Variants in THRAP3 observed in about 807,000 individuals in gnomAD.
The protein encoded by THRAP3 is thyroid hormone receptor-associated protein 3.
In THRAP3, 16 loss-of-function variants were observed where a neutral mutation model predicts 101.0. The observed-to-expected ratio is 0.16, with a 90% CI of 0.11 to 0.24. THRAP3 has a LOEUF of 0.24. Ranked by LOEUF, THRAP3 falls within the 10% of genes least tolerant of loss-of-function variation. The probability of loss-of-function intolerance (pLI) is 1.00; values close to 1 mark genes in which losing one functional copy is unlikely to be tolerated. For synonymous variants in THRAP3, 407 were observed against 422.6 expected (o/e 0.96, Z 0.45); for missense variants, 989 against 1,202.7 (o/e 0.82, Z 2.63).
rs1644987729 is a variant in THRAP3 at position 36,228,441 on chromosome 1, C to CT, written c.-135+3936_-135+3937insT. On this transcript the variant is annotated intron_variant, in intron 1 of 11. Coordinates refer to ENST00000354618, the MANE Select transcript of THRAP3 (RefSeq NM_005119.4). ...TTCACCATGCTGGCCAGGCTGGTCT[C>CT]AAACTCCTGACCTCAATTGATCCGA... 5.9e-5 allele frequency among the ~76,000 whole-genome samples: 9 copies of CT among 152,344 alleles called. No individual in the cohort carries two copies. The South Asian group carries it at 1.9e-3, about 32-fold the overall frequency.
chr1:36,298,611 A>G (rs1292283341), intron 9 of THRAP3, among the ~76,000 whole-genome samples: 3 of 151,618 alleles, frequency 2.0e-5, no homozygotes, highest in Admixed American at 6.6e-5. Context: ...CTCCTGCTTC[A>G]GCCTTCCAAC....
rs540067422 is a variant in THRAP3 at position 36,255,861 on chromosome 1, G to C, written c.-134-3521G>C. Among the ~76,000 whole-genome samples the C allele has an allele frequency of 2.6e-5, 4 of 152,138 alleles. No individual in the cohort carries two copies. In the South Asian group the frequency reaches 8.3e-4, roughly 32 times the overall value. Reference sequence around the variant, plus strand: ...AAATTCAGTCTTGTGTACCATAGGAGATACAAATGGTATGGTCCTAGAATG... The same window carrying C: ...AAATTCAGTCTTGTGTACCATAGGACATACAAATGGTATGGTCCTAGAATG... On this transcript the variant is annotated intron_variant, in intron 1 of 11. Coordinates refer to ENST00000354618, the MANE Select transcript of THRAP3 (RefSeq NM_005119.4).
At position 36,226,270 on chromosome 1, in the gene THRAP3, T is replaced by C. The variant is rs77227167; in HGVS notation, c.-135+1765T>C. On this transcript the variant is annotated intron_variant, in intron 1 of 11. Coordinates refer to ENST00000354618, the MANE Select transcript of THRAP3 (RefSeq NM_005119.4). The stretch of plus-strand genomic sequence containing the variant: ...CAGACATACGATTTATTATTATTAT[T>C]ATTTTTTGAGACAAAGTCTCGCGCT... Among the ~76,000 whole-genome samples the C allele has an allele frequency of 7.9e-5, 12 of 152,282 alleles. No homozygotes were observed. In the East Asian group the frequency reaches 2.3e-3, roughly 29 times the overall value.
intron 9 of THRAP3, 52 bp from the exon 10 acceptor site, chr1:36,300,834 G>A: frequency 6.3e-7 from 1 of 1,587,300 alleles, no homozygotes; most frequent in Non-Finnish European, 8.6e-7. Flanking sequence ...CCCCAGCCAA[G>A]CAGTGTCCCT....
At chr1:36,258,614 T>C (rs1021967050) in intron 1 of THRAP3, among the ~76,000 whole-genome samples, 1 of 152,190 alleles carries the variant, frequency 6.6e-6, no homozygotes, top group African/African-American at 2.4e-5. Flanking sequence ...TAGCTGAGAC[T>C]ACAGGTGCCT....
chr1:36,262,959 A>ATTTTTTTTTTTTTTTTTTTT (rs55662646), intron 2 of THRAP3, among the ~76,000 whole-genome samples: 2 of 104,364 alleles, frequency 1.9e-5, no homozygotes, highest in East Asian at 2.6e-4. Flanking sequence ...GGGCCGGCTA[A>ATTTTTTTTTTTTTTTTTTTT]TTTTTTTTTT....
intron 1 of THRAP3, among the ~76,000 whole-genome samples, chr1:36,239,695 A>G (rs1158605452): frequency 6.6e-6 from 1 of 152,174 alleles, no homozygotes; most frequent in Non-Finnish European, 1.5e-5. Context: ...TTCCTCCAAC[A>G]TTTTATTAGG....
intron 2 of THRAP3, among the ~76,000 whole-genome samples, chr1:36,264,400 A>G (rs1416642848): frequency 6.6e-6 from 1 of 152,224 alleles, no homozygotes; most frequent in Non-Finnish European, 1.5e-5. Flanking sequence ...AGAGTTAAGT[A>G]TTTTGTCCAG....
intron 5 of THRAP3, 86 bp downstream of exon 5, chr1:36,289,850 A>G: frequency 6.8e-7 from 1 of 1,481,252 alleles, no homozygotes; most frequent in Non-Finnish European, 9.0e-7. Context: ...ATTCTGCTGT[A>G]TTCCCCCTTC....
chr1:36,223,391 AG>A (rs550636285), upstream of THRAP3, among the ~76,000 whole-genome samples: 152 of 152,356 alleles, frequency 1.0e-3, 2 homozygotes, highest in African/African-American at 3.5e-3. Context: ...CTGGAGGTGC[AG>A]AAATCCATCA....
At chr1:36,274,821 CG>C (rs1262197295) in intron 2 of THRAP3, among the ~76,000 whole-genome samples, 1 of 150,518 alleles carries the variant, frequency 6.6e-6, no homozygotes, top group Non-Finnish European at 1.5e-5. Context: ...TTAGTAGAGA[CG>C]GGGTTTCACC....
upstream of THRAP3, among the ~76,000 whole-genome samples, chr1:36,222,684 C>T (rs991224798): frequency 6.6e-6 from 1 of 151,984 alleles, no homozygotes; most frequent in African/African-American, 2.4e-5. Flanking sequence ...GTTGGGATTA[C>T]CGGCGTGAGC....
At chr1:36,257,305 C>T (rs1645388522) in intron 1 of THRAP3, among the ~76,000 whole-genome samples, 1 of 152,188 alleles carries the variant, frequency 6.6e-6, no homozygotes, top group African/African-American at 2.4e-5. Flanking sequence ...CTCATCTGCT[C>T]ACTAGAATGT....
intron 1 of THRAP3, among the ~76,000 whole-genome samples, chr1:36,237,718 C>T (rs1279568049): frequency 6.6e-6 from 1 of 152,074 alleles, no homozygotes; most frequent in African/African-American, 2.4e-5. Flanking sequence ...TTGCAGTGAC[C>T]CAAGATCATG....
At chr1:36,213,959 GAAGGAAAGAGAAA>G in the THRAP3 span, among the ~76,000 whole-genome samples, 2 of 107,518 alleles carry the variant, frequency 1.9e-5, no homozygotes, top group African/African-American at 4.3e-5. Context: ...AAGAAAGAAA[GAAGGAAAGAGAAA>G]GAAAGAAAGA....
In THRAP3 at chr1:36,254,358, T is replaced by C. The variant is rs11810624; in HGVS notation, c.-134-5024T>C. 4.4e-3 allele frequency among the ~76,000 whole-genome samples: 676 copies of C among 152,340 alleles called. 6 individuals carry two copies. Among genetic ancestry groups the C allele is most frequent in the African/African-American group, 0.015 (636 of 41,580 alleles). On this transcript the variant is annotated intron_variant, in intron 1 of 11. Coordinates refer to ENST00000354618, the MANE Select transcript of THRAP3 (RefSeq NM_005119.4). ...TTGGCATATCTGTGGTGTCATTTCA[T>C]AATAAACACAATGATTTGCTATCAA...
At chr1:36,239,035 G>A (rs914963813) in intron 1 of THRAP3, among the ~76,000 whole-genome samples, 2 of 151,892 alleles carry the variant, frequency 1.3e-5, no homozygotes, top group East Asian at 1.9e-4. Flanking sequence ...CTGGGTTCAC[G>A]CCATTCTCCT....
chr1:36,214,266 A>G, the THRAP3 span, among the ~76,000 whole-genome samples: 3 of 152,238 alleles, frequency 2.0e-5, no homozygotes, highest in Admixed American at 2.0e-4. Flanking sequence ...TGAGACCTGT[A>G]TAAGCAGCAT....
chr1:36,303,997 A>G lies in THRAP3; in HGVS notation c.2848A>G (p.Ile950Val). 7 of 1,580,936 alleles carry G rather than the reference A, an allele frequency of 4.4e-6. No homozygotes were observed. Among genetic ancestry groups the G allele is most frequent in the Non-Finnish European group, 6.0e-6 (7 of 1,163,812 alleles). ...GTENREEKDN[I>V]QPTTE Reference sequence around the variant, plus strand: ...AGAGAACCGAGAAGAGAAGGACAATATACAGCCCACAACCGAGTAGGGGCC... The same window carrying G: ...AGAGAACCGAGAAGAGAAGGACAATGTACAGCCCACAACCGAGTAGGGGCC... Residue 950 changes from isoleucine (I) to valine (V), a missense_variant, in exon 12 of 12, where the codon ATA becomes GTA. Coordinates refer to ENST00000354618, the MANE Select transcript of THRAP3 (RefSeq NM_005119.4).
Sources: gnomAD v4.1 joint callset for allele counts (sites outside exome capture counted in the v4.1 genomes callset) on GRCh38, gnomAD v4.1.1 for gene constraint, MANE v1.5 for transcripts, NCBI Gene and HGNC (gene_info 2026-07-23, HGNC 2026-07-21) for gene names.